SPON2: variants seen among roughly 807,000 people sequenced by gnomAD.
The protein encoded by SPON2 is spondin-2.
A neutral mutation model predicts 29.9 loss-of-function variants in SPON2; 32 were observed. That is an observed-to-expected ratio of 1.07 (90% CI 0.81 to 1.44). The LOEUF is 1.44. SPON2 is among the 40% of genes most tolerant of loss of function. The pLI, the probability that SPON2 is intolerant of heterozygous loss-of-function variation, is 0.00. For missense variants in SPON2, 541 were observed against 455.5 expected (o/e 1.19, Z -1.71); for synonymous variants, 248 against 209.1 (o/e 1.19, Z -1.61).
At chr4:1,173,023 G>A (rs1351980173), upstream of SPON2, 1 of 150,410 alleles carries the variant, frequency 6.6e-6, no homozygotes, top group South Asian at 2.1e-4. Flanking sequence ...GGAGTTCTTT[G>A]CCCCAAGCCT....
upstream of SPON2, chr4:1,199,397 C>A (rs1339386613): frequency 6.6e-6 from 1 of 152,018 alleles, no homozygotes; most frequent in Non-Finnish European, 1.5e-5. This position sits in a 1 kb window ranked among gnomAD's most constrained non-coding sequence, Gnocchi z 4.5. Flanking sequence ...AACTCCATCT[C>A]AAAAAATATT....
intron 1 of SPON2, among the ~76,000 whole-genome samples, chr4:1,186,112 T>C (rs62293578): frequency 0.26 from 38,972 of 147,320 alleles, 6,351 homozygotes; most frequent in East Asian, 0.42. Context: ...GGCGTGGTGG[T>C]GGGCGCCTGT....
chr4:1,201,882 C>T lies in SPON2; in HGVS notation c.-234+5998G>A, dbSNP rs189490649. 1.3e-3 allele frequency among the ~76,000 whole-genome samples: 194 copies of T among 152,352 alleles called. 5 individuals are homozygous for T. The highest frequency in any genetic ancestry group is 0.012 in the Admixed American group (184 of 15,308). ...ACAGGCGTGAGCCACCTCGCCCAGC[C>T]GGTGCTGCCTTCTTGAGCCGTGGCC... On this transcript the variant is annotated intron_variant, in intron 1 of 3. Coordinates refer to the SPON2 transcript ENST00000509233.
At chr4:1,170,946 G>T (rs1202812876) in intron 4 of SPON2, 53 bp downstream of exon 4, 4 of 1,542,986 alleles carry the variant, frequency 2.6e-6, no homozygotes, top group Non-Finnish European at 3.5e-6. Context: ...CCCCAGCCCC[G>T]TCCCCACCGC....
chr4:1,182,796 G>A (rs2108658727), intron 1 of SPON2, among the ~76,000 whole-genome samples: 1 of 152,234 alleles, frequency 6.6e-6, no homozygotes, highest in Non-Finnish European at 1.5e-5. Context: ...TTGGAAGACA[G>A]ATAAAAAGAC....
At chr4:1,195,842 A>C (rs1250127), upstream of SPON2, among the ~76,000 whole-genome samples, 27 of 152,234 alleles carry the variant, frequency 1.8e-4, no homozygotes, top group Admixed American at 5.2e-4. Flanking sequence ...GCTGTGTTGC[A>C]CAGGCTGGTT....
At chr4:1,192,956 C>T (rs1727941843) in intron 1 of SPON2, among the ~76,000 whole-genome samples, 1 of 152,208 alleles carries the variant, frequency 6.6e-6, no homozygotes, top group Non-Finnish European at 1.5e-5. Flanking sequence ...GGTCCCTTCT[C>T]TGCTGCCACC....
intron 1 of SPON2, among the ~76,000 whole-genome samples, chr4:1,190,599 G>T (rs1328960458): frequency 6.6e-6 from 1 of 152,210 alleles, no homozygotes; most frequent in African/African-American, 2.4e-5. Flanking sequence ...TGAATGCAAA[G>T]TTGGTTCAAT....
In SPON2 at chr4:1,167,439, CCGGGGGGCCCCAGGGGCTG is replaced by C; in HGVS notation, c.*14_*32del. On this transcript the variant is annotated 3_prime_UTR_variant, in exon 6 of 6. Transcript: ENST00000290902. ...CAGGAGCCCCCGACACCCCATGGCT[CCGGGGGGCCCCAGGGGCTG>C]CGGGGCTCTGGTCTTAGACGCAGTT... 1 of 1,595,310 alleles carries C rather than the reference CCGGGGGGCCCCAGGGGCTG, an allele frequency of 6.3e-7. No homozygotes were observed. The highest frequency in any genetic ancestry group is 8.6e-7 in the Non-Finnish European group (1 of 1,169,488).
Position 1,171,983 on chromosome 4 carries a change from C to T in SPON2, c.89G>A (p.Gly30Glu). ...ATLGAAGQPL[G>E]GESICSARAL... ...TCTGGCGGAACAGATGGACTCTCCC[C>T]CAAGAGGCTGGCCGGCGGCGCCGAG... The change falls in exon 2 of 6, where the codon GGG becomes GAG. Residue 30 changes from glycine (G) to glutamate (E), a missense_variant. Transcript: ENST00000290902. 6.2e-7 allele frequency: 1 copy of T among 1,612,946 alleles called. No homozygotes were observed. Among genetic ancestry groups the T allele is most frequent in the Non-Finnish European group, 8.5e-7 (1 of 1,179,918 alleles).
upstream of SPON2, chr4:1,198,892 C>G (rs958522687): frequency 4.6e-5 from 7 of 151,586 alleles, no homozygotes; most frequent in Admixed American, 4.6e-4. Flanking sequence ...CAATAGTGGC[C>G]AAGATCGTTC....
At chr4:1,195,829 C>A (rs907054335), upstream of SPON2, among the ~76,000 whole-genome samples, 1 of 152,030 alleles carries the variant, frequency 6.6e-6, no homozygotes, top group Non-Finnish European at 1.5e-5. Context: ...GTAGAGCGGT[C>A]TCGCTGTGTT....
chr4:1,172,264 G>C, intron 1 of SPON2, 190 bp from the exon 2 acceptor site: 1 of 610,102 alleles, frequency 1.6e-6, no homozygotes, highest in Admixed American at 3.0e-5. Context: ...CGCGGGGTTA[G>C]ATCGCCCGTG....
chr4:1,170,485 C>T lies in SPON2; in HGVS notation c.728G>A (p.Arg243Gln), dbSNP rs747416070. The change falls in exon 5 of 6, where the codon CGG becomes CAG. Residue 243 changes from arginine to glutamine, a missense_variant. Transcript: ENST00000290902. ...LPPIARVTLV[R>Q]LRQSPRAFIP... ...GAAGGCCCTGGGGCTCTGTCGCAGCCGCACCAGTGTCACCCTGGCGATGGG... is the reference window on the plus strand; with the variant it reads ...GAAGGCCCTGGGGCTCTGTCGCAGCTGCACCAGTGTCACCCTGGCGATGGG... The T allele has an allele frequency of 6.3e-5, 101 of 1,613,902 alleles. No individual in the cohort carries two copies. The highest frequency in any genetic ancestry group is 7.7e-5 in the Non-Finnish European group (91 of 1,179,964).
chr4:1,182,925 T>G (rs1304433317), intron 1 of SPON2, among the ~76,000 whole-genome samples: 1 of 151,500 alleles, frequency 6.6e-6, no homozygotes, highest in Admixed American at 6.6e-5. Flanking sequence ...ATATTCTGAG[T>G]GTTCAAGAAA....
intron 1 of SPON2, among the ~76,000 whole-genome samples, chr4:1,193,134 C>T (rs1320762660): frequency 6.6e-6 from 1 of 152,238 alleles, no homozygotes; most frequent in African/African-American, 2.4e-5. Flanking sequence ...CATGGGTGCA[C>T]ACACACAGCA....
chr4:1,185,100 A>G lies in SPON2; in HGVS notation c.-238-5559T>C, dbSNP rs189874417. Among the ~76,000 whole-genome samples, 489 of 151,702 alleles carry G rather than the reference A, an allele frequency of 3.2e-3. 3 individuals carry two copies. Among genetic ancestry groups the G allele is most frequent in the African/African-American group, 0.011 (449 of 41,398 alleles). On this transcript the variant is annotated intron_variant, in intron 1 of 3. Coordinates refer to the SPON2 transcript ENST00000502483. ...TCTTTTTTCTTTTTCTTTTGACACA[A>G]TCTCACTCTGTTGCTCAGGCTGGAG...
intron 1 of SPON2, chr4:1,200,525 T>G: frequency 3.2e-6 from 1 of 311,440 alleles, no homozygotes; most frequent in Non-Finnish European, 6.3e-6. Context: ...CGCTTCTGCC[T>G]CCAGGATGTT....
intron 1 of SPON2, among the ~76,000 whole-genome samples, chr4:1,206,414 G>T (rs1463651729): frequency 6.6e-6 from 1 of 152,252 alleles, no homozygotes; most frequent in Non-Finnish European, 1.5e-5. Flanking sequence ...CCAGGGCAGG[G>T]GGAGGCCGGC....
Sources: allele counts gnomAD v4.1 joint callset (sites outside exome capture counted in the v4.1 genomes callset), GRCh38; gene constraint gnomAD v4.1.1; non-coding constraint Gnocchi (gnomAD v3.1); transcripts MANE v1.5; gene names NCBI Gene and HGNC (gene_info 2026-07-23, HGNC 2026-07-21).